The following GRID2 variants were observed in gnomAD, a reference collection of about 807,000 sequenced individuals.
The protein encoded by GRID2 is glutamate receptor ionotropic, delta-2.
In GRID2, 33 loss-of-function variants were observed where a neutral mutation model predicts 114.8. That is an observed-to-expected ratio of 0.29 (90% confidence interval 0.22 to 0.38). GRID2 has a LOEUF of 0.38. Among genes scored for constraint, GRID2 ranks in the 10% least tolerant of loss-of-function variants. The probability of loss-of-function intolerance (pLI) is 1.00; values close to 1 mark genes in which losing one functional copy is unlikely to be tolerated. For missense variants in GRID2, 1,184 were observed against 1,257.7 expected, an observed-to-expected ratio of 0.94 and a Z score of 0.89; for synonymous variants, 505 against 449.9, an observed-to-expected ratio of 1.12 and a Z score of -1.55.
chr4:93,648,754 A>G (rs1722331924), intron 14 of GRID2, among the ~76,000 whole-genome samples: 1 of 149,026 alleles, frequency 6.7e-6, no homozygotes, highest in African/African-American at 2.4e-5. Context: ...TCTAGTCCAC[A>G]TTTTGAGAAC....
chr4:93,437,195 A>G (rs1721173709), intron 10 of GRID2, among the ~76,000 whole-genome samples: 1 of 152,116 alleles, frequency 6.6e-6, no homozygotes, highest in South Asian at 2.1e-4. Flanking sequence ...CTCACATACT[A>G]TGTATTTATT....
chr4:93,453,110 T>C (rs1580127769), intron 10 of GRID2, among the ~76,000 whole-genome samples: 1 of 146,234 alleles, frequency 6.8e-6, no homozygotes, highest in East Asian at 2.2e-4. Flanking sequence ...CATTGTTCAA[T>C]TCCCACCTAT....
rs140265820 is a variant in GRID2 at position 93,230,351 on chromosome 4, A to G, written c.1125+5576A>G. Among the ~76,000 whole-genome samples, 224 of 152,176 alleles carry G rather than the reference A, an allele frequency of 1.5e-3. 1 individual carries two copies. The highest frequency in any genetic ancestry group is 4.8e-3 in the African/African-American group (199 of 41,536). On this transcript the variant is annotated intron_variant, in intron 7 of 15. Coordinates refer to ENST00000282020, the MANE Select transcript of GRID2 (RefSeq NM_001510.4). ...ATATCACTGTCAAATAAAATTAATC[A>G]CTCCAATTCTAATACTTTACGTATT...
chr4:92,922,570 G>T (rs1180207979), intron 2 of GRID2, among the ~76,000 whole-genome samples: 1 of 151,894 alleles, frequency 6.6e-6, no homozygotes, highest in Non-Finnish European at 1.5e-5. Flanking sequence ...TTCAAATATG[G>T]TTTTAATATG....
intron 13 of GRID2, among the ~76,000 whole-genome samples, chr4:93,519,448 T>C (rs1342783622): frequency 6.6e-6 from 1 of 152,156 alleles, no homozygotes. Context: ...GTCTATTAGA[T>C]TATTTTAGAT....
intron 8 of GRID2, among the ~76,000 whole-genome samples, chr4:93,263,079 T>G (rs1403969154): frequency 6.6e-6 from 1 of 151,964 alleles, no homozygotes; most frequent in African/African-American, 2.4e-5. Context: ...AAATAATTCA[T>G]TTTTCTCTTT....
At chr4:93,744,227 T>C (rs955638983) in intron 14 of GRID2, among the ~76,000 whole-genome samples, 1 of 152,236 alleles carries the variant, frequency 6.6e-6, no homozygotes, top group Non-Finnish European at 1.5e-5. Flanking sequence ...ACACATTTAT[T>C]CTGTGGCCCA....
At chr4:92,919,331 G>GT (rs937627343) in intron 2 of GRID2, among the ~76,000 whole-genome samples, 6 of 151,968 alleles carry the variant, frequency 3.9e-5, no homozygotes, top group Non-Finnish European at 8.8e-5. Flanking sequence ...TTTTTAAAGG[G>GT]TTTTTTGTGT....
chr4:92,749,415 A>G (rs780193601), intron 2 of GRID2, among the ~76,000 whole-genome samples: 3 of 149,148 alleles, frequency 2.0e-5, no homozygotes, highest in Non-Finnish European at 4.4e-5. Flanking sequence ...CCCGGGCTCA[A>G]GCAATTCTTC....
intron 1 of GRID2, among the ~76,000 whole-genome samples, chr4:92,322,555 T>A (rs1726367859): frequency 6.6e-6 from 1 of 152,150 alleles, no homozygotes. Flanking sequence ...ACCTACTATA[T>A]ACCCACAAAA....
intron 2 of GRID2, among the ~76,000 whole-genome samples, chr4:92,854,830 T>G (rs1304900388): frequency 2.6e-5 from 4 of 151,924 alleles, no homozygotes; most frequent in Non-Finnish European, 5.9e-5. Context: ...AGATTGAAAG[T>G]TTATAGTTTA....
At chr4:92,948,789 T>G (rs192564686) in intron 2 of GRID2, among the ~76,000 whole-genome samples, 63 of 152,160 alleles carry the variant, frequency 4.1e-4, no homozygotes, top group Non-Finnish European at 2.4e-4. Flanking sequence ...GTACAATCTC[T>G]GAGAACACAG....
At chr4:93,721,142 C>G (rs531902027) in intron 14 of GRID2, among the ~76,000 whole-genome samples, 2 of 152,256 alleles carry the variant, frequency 1.3e-5, no homozygotes, top group South Asian at 4.1e-4. Flanking sequence ...TTGGTTGAGT[C>G]TGAAACTTTG....
At chr4:92,621,114 CAT>C (rs1730254170) in intron 2 of GRID2, among the ~76,000 whole-genome samples, 1 of 151,236 alleles carries the variant, frequency 6.6e-6, no homozygotes, top group Admixed American at 6.6e-5. Flanking sequence ...CATAGGTAAA[CAT>C]GTGTCATGGT....
intron 4 of GRID2, among the ~76,000 whole-genome samples, chr4:93,179,654 C>A (rs1318488400): frequency 6.6e-6 from 1 of 152,114 alleles, no homozygotes; most frequent in Non-Finnish European, 1.5e-5. Context: ...GTTTAATCAT[C>A]AAAACAATTC....
chr4:92,736,893 T>TA, intron 2 of GRID2, among the ~76,000 whole-genome samples: 1 of 152,156 alleles, frequency 6.6e-6, no homozygotes, highest in East Asian at 1.9e-4. Flanking sequence ...AATTCTAAAA[T>TA]ACATCAGCCT....
intron 13 of GRID2, among the ~76,000 whole-genome samples, chr4:93,590,663 G>A (rs62320413): frequency 3.3e-5 from 5 of 151,960 alleles, no homozygotes; most frequent in Non-Finnish European, 7.4e-5. Context: ...CCATTTTCAC[G>A]ATATTGATTC....
chr4:92,815,122 T>G (rs1740829988), intron 2 of GRID2, among the ~76,000 whole-genome samples: 1 of 152,158 alleles, frequency 6.6e-6, no homozygotes, highest in Admixed American at 6.6e-5. Context: ...CATTCTTAAC[T>G]TTCCTTTTGT....
At chr4:92,936,030 TATA>T (rs1750647183) in intron 2 of GRID2, among the ~76,000 whole-genome samples, 1 of 146,216 alleles carries the variant, frequency 6.8e-6, no homozygotes, top group African/African-American at 2.4e-5. Context: ...AAACTTAAAG[TATA>T]ATAATAATAA....
Sources: allele counts gnomAD v4.1 joint callset (sites outside exome capture counted in the v4.1 genomes callset), GRCh38; gene constraint gnomAD v4.1.1; transcripts MANE v1.5; gene names NCBI Gene and HGNC (gene_info 2026-07-23, HGNC 2026-07-21).